C2: variants seen among roughly 807,000 people sequenced by gnomAD.
C2 encodes the protein complement C2.
C2 carries 64 observed loss-of-function variants against 85.2 expected under a neutral mutation model. The observed-to-expected ratio is 0.75, with a 90% confidence interval of 0.61 to 0.92. The LOEUF (loss-of-function observed/expected upper bound fraction) is 0.92, where lower values mean the gene tolerates loss of function less well. Ranked by LOEUF, C2 falls within the 40% of genes least tolerant of loss-of-function variation. The pLI is 0.00. For missense variants in C2, 820 were observed against 971.6 expected (o/e 0.84, Z 2.07); for synonymous variants, 311 against 370.8 (o/e 0.84, Z 1.85).
chr6:31,945,232 A>C lies in C2; in HGVS notation c.2134A>C (p.Asn712His). ...CCCCTGCCTTGGCTCTGCTGACAAA[A>C]ACTCCCGCAAAAGGGCCCCTCGTAG... ...YNPCLGSADK[N>H]SRKRAPRSKV... The change falls in exon 18 of 18, where the codon AAC becomes CAC. Residue 712 changes from asparagine (N) to histidine (H), a missense_variant. By Grantham distance (68) the Asn-to-His change is moderately conservative (BLOSUM62 1). Transcript: ENST00000299367. The surrounding 1 kb of genome is among the most constrained non-coding windows in gnomAD (Gnocchi z 5.3). 3 of 1,612,256 alleles carry C rather than the reference A, an allele frequency of 1.9e-6. No homozygotes were observed. Among genetic ancestry groups the C allele is most frequent in the Non-Finnish European group, 1.7e-6 (2 of 1,179,832 alleles).
intron 8 of C2, 117 bp downstream of exon 8, chr6:31,937,576 T>A: frequency 7.5e-7 from 1 of 1,332,738 alleles, no homozygotes. Flanking sequence ...AGTTTTGTTT[T>A]TGTTTTTAGA....
intron 1 of C2, among the ~76,000 whole-genome samples, chr6:31,914,870 A>T (rs1468442000): frequency 6.7e-6 from 1 of 149,028 alleles, no homozygotes; most frequent in Non-Finnish European, 1.5e-5. Flanking sequence ...CCAAGATCAC[A>T]CCACTGCACT....
At chr6:31,902,174 C>G (rs1433573664) in intron 1 of C2, among the ~76,000 whole-genome samples, 1 of 148,398 alleles carries the variant, frequency 6.7e-6, no homozygotes, top group Non-Finnish European at 1.5e-5. Context: ...GCCGGACGGC[C>G]TTGCCTCCTC....
At position 31,934,195 on chromosome 6, in the gene C2, C is replaced by T. The variant is rs771081314; in HGVS notation, c.745C>T (p.Arg249Cys). The change falls in exon 6 of 18, where the codon CGC (arginine) becomes TGC (cysteine). Residue 249 changes from arginine (R) to cysteine (C), a missense_variant. Transcript: ENST00000299367. ...CCTGGGCCGTAAAATCCAAATCCAG[C>T]GCTCTGGTCATCTGAACCTCTACCT... Reference protein sequence around the residue: ...ESLGRKIQIQRSGHLNLYLLL... With the variant: ...ESLGRKIQIQCSGHLNLYLLL... 59 of 1,614,232 alleles carry T rather than the reference C, an allele frequency of 3.7e-5. No individual in the cohort carries two copies. The highest frequency in any genetic ancestry group is 4.7e-5 in the Non-Finnish European group (55 of 1,180,044).
chr6:31,943,852 T>C lies in C2; in HGVS notation c.1733+43T>C, dbSNP rs1358286652. The C allele has an allele frequency of 6.2e-7, 1 of 1,611,434 alleles. No individual in the cohort carries two copies. Among genetic ancestry groups the C allele is most frequent in the Non-Finnish European group, 8.5e-7 (1 of 1,179,170 alleles). On this transcript the variant is annotated intron_variant, in intron 13 of 17. Coordinates refer to ENST00000299367, the MANE Select transcript of C2 (RefSeq NM_000063.6). The surrounding 1 kb of genome is among the most constrained non-coding windows in gnomAD (Gnocchi z 6.4). The stretch of plus-strand genomic sequence containing the variant: ...TGGGAGGGTGCCCTGCAGGGAAGAG[T>C]GCTCTGGAGATCCCTGGAAGAGATA...
intron 7 of C2, chr6:31,936,931 C>T (rs1458347370): frequency 1.4e-5 from 3 of 216,768 alleles, no homozygotes; most frequent in East Asian, 1.1e-4. Context: ...CATTTCCAGG[C>T]CGGGTGCAGT....
At chr6:31,913,089 G>T (rs1768235461) in intron 1 of C2, among the ~76,000 whole-genome samples, 1 of 151,400 alleles carries the variant, frequency 6.6e-6, no homozygotes, top group Admixed American at 6.6e-5. Flanking sequence ...GTGCCCTTGG[G>T]CACTGTATAT....
Position 31,932,140 on chromosome 6 carries a change from G to A in C2, c.443-1470G>A, listed in dbSNP as rs569707059. 1.3e-3 allele frequency among the ~76,000 whole-genome samples: 171 copies of A among 132,366 alleles called. 2 individuals are homozygous for A. Among genetic ancestry groups the A allele is most frequent in the African/African-American group, 4.6e-3 (154 of 33,508 alleles). 86.8% of individuals were successfully genotyped at this position (132,366 alleles called of 152,430 possible). A position where few individuals can be genotyped will look rare whatever the true frequency, so the allele number is the denominator to read the frequency against. ...GGGCTGACCCCCCCACCTCCCTCCC[G>A]GACGGGGCGGCTGGCCGGGCAGAGT... On this transcript the variant is annotated intron_variant, in intron 3 of 17. Transcript: ENST00000299367.
intron 6 of C2, chr6:31,934,975 T>C: frequency 2.0e-6 from 1 of 506,622 alleles, no homozygotes; most frequent in Non-Finnish European, 2.5e-6. Flanking sequence ...GCCATTGCAC[T>C]CCAGCCTGGG....
At chr6:31,898,344 C>T (rs1288837859), upstream of C2, among the ~76,000 whole-genome samples, 1 of 152,132 alleles carries the variant, frequency 6.6e-6, no homozygotes, top group East Asian at 1.9e-4. Context: ...TTTTGCCGAA[C>T]ACTTCATAAG....
In C2 at chr6:31,935,800, G is replaced by A; in HGVS notation, c.850-123G>A. 9.3e-7 allele frequency: 1 copy of A among 1,077,590 alleles called. No homozygotes were observed. The allele number at this position is 1,077,590 out of a possible 1,614,324, so 66.8% of individuals were successfully genotyped here. A position where few individuals can be genotyped will look rare whatever the true frequency, so the allele number is the denominator to read the frequency against. ...CAGCCATTTCCTAGTGTCTCCCCTG[G>A]TCCTTGCCTCTGTCGGTCTCACTCC... On this transcript the variant is annotated intron_variant, in intron 6 of 17. Coordinates refer to ENST00000299367, the MANE Select transcript of C2 (RefSeq NM_000063.6). The surrounding 1 kb of genome is among the most constrained non-coding windows in gnomAD (Gnocchi z 4.3).
At chr6:31,901,377 C>A (rs45575537) in intron 1 of C2, 1 of 1,490,658 alleles carries the variant, frequency 6.7e-7, no homozygotes, top group Non-Finnish European at 9.0e-7. Flanking sequence ...TCTCCGAAGC[C>A]AAGGCTCCAG....
chr6:31,932,313 C>A, intron 3 of C2: 1 of 179,842 alleles, frequency 5.6e-6, no homozygotes, highest in South Asian at 8.6e-5. Context: ...CCACCTCCCT[C>A]CCGGACCAGG....
Position 31,936,016 on chromosome 6 carries a change from G to T in C2, c.943G>T (p.Asp315Tyr). 1 of 1,613,042 alleles carries T rather than the reference G, an allele frequency of 6.2e-7. No homozygotes were observed. The highest frequency in any genetic ancestry group is 8.5e-7 in the Non-Finnish European group (1 of 1,180,020). ...GTCTGTCCTGAACGACAACTCCCGG[G>T]ATATGACTGAGGTGATCAGCAGCCT... ...LMSVLNDNSR[D>Y]MTEVISSLEN... The change falls in exon 7 of 18, where the codon GAT becomes TAT. Residue 315 changes from aspartate to tyrosine, a missense_variant. Physicochemically the swap from Asp to Tyr is radical, Grantham distance 160. Transcript: ENST00000299367.
In C2 at chr6:31,943,025, A is replaced by T; in HGVS notation, c.1286A>T (p.Lys429Met). ...AGAGAACTGAATGAGCTAGGGTCCA[A>T]GAAGGATGGTGAGAGGCATGCCTTC... ...DWRELNELGSKKDGERHAFIL... is the reference protein window; with the variant it reads ...DWRELNELGSMKDGERHAFIL... Residue 429 changes from lysine (K) to methionine (M), a missense_variant, in exon 10 of 18, where the codon AAG becomes ATG. By Grantham distance (95) the Lys-to-Met change is moderately conservative. Transcript: ENST00000299367. The surrounding 1 kb of genome is among the most constrained non-coding windows in gnomAD (Gnocchi z 6.4). 1 of 1,613,092 alleles carries T rather than the reference A, an allele frequency of 6.2e-7. No homozygotes were observed. Among genetic ancestry groups the T allele is most frequent in the Non-Finnish European group, 8.5e-7 (1 of 1,180,026 alleles).
upstream of C2, chr6:31,927,453 CA>C: frequency 1.4e-6 from 2 of 1,386,104 alleles, no homozygotes; most frequent in Non-Finnish European, 1.9e-6. This position sits in a 1 kb window ranked among gnomAD's most constrained non-coding sequence, Gnocchi z 4.7. Context: ...GTGTATGGTG[CA>C]CATGTGCACG....
chr6:31,903,119 C>T (rs1767483238), intron 1 of C2, among the ~76,000 whole-genome samples: 1 of 152,204 alleles, frequency 6.6e-6, no homozygotes, highest in South Asian at 2.1e-4. Flanking sequence ...TTCCTCGTAC[C>T]TACACCCACT....
rs758382884 is a variant in C2, at chr6:31,937,370, A to G, written c.1040A>G (p.Tyr347Cys). 17 of 1,612,708 alleles carry G rather than the reference A, an allele frequency of 1.1e-5. No individual in the cohort carries two copies. Among genetic ancestry groups the G allele is most frequent in the African/African-American group, 1.3e-5 (1 of 74,862 alleles). Residue 347 changes from tyrosine (Y) to cysteine (C), a missense_variant, in exon 8 of 18, where the codon TAT (tyrosine) becomes TGT (cysteine). Tyr to Cys is a radical substitution (Grantham distance 194, BLOSUM62 -2). Transcript: ENST00000299367. ...ACCTATGCGGCCTTAAACAGTGTCT[A>G]TCTCATGATGAACAACCAAATGCGA... ...TNTYAALNSV[Y>C]LMMNNQMRLL...
At chr6:31,923,826 G>T (rs1407528177), upstream of C2, among the ~76,000 whole-genome samples, 5 of 142,122 alleles carry the variant, frequency 3.5e-5, no homozygotes, top group African/African-American at 1.3e-4. Flanking sequence ...TTGAGATGGA[G>T]TCTCGCTCTG....
Sources: gnomAD v4.1 joint callset for allele counts (sites outside exome capture counted in the v4.1 genomes callset) on GRCh38, gnomAD v4.1.1 for gene constraint, Gnocchi (gnomAD v3.1) non-coding constraint, MANE v1.5 for transcripts, NCBI Gene and HGNC (gene_info 2026-07-23, HGNC 2026-07-21) for gene names.